Variants in COLEC10 observed in about 807,000 individuals in gnomAD.
COLEC10 encodes collectin-10.
In COLEC10, 22 loss-of-function variants were observed where a neutral mutation model predicts 28.4. That is an observed-to-expected ratio of 0.78 (90% CI 0.55 to 1.11). The LOEUF (loss-of-function observed/expected upper bound fraction) is 1.11, where lower values mean the gene tolerates loss of function less well. Ranked by LOEUF, COLEC10 falls within the 50% of genes least tolerant of loss-of-function variation. The pLI is 0.00. For synonymous variants in COLEC10, 125 were observed against 116.1 expected (o/e 1.08, Z -0.49); for missense variants, 361 against 344.1 (o/e 1.05, Z -0.39).
At chr8:118,961,327 C>G in the COLEC10 span, among the ~76,000 whole-genome samples, 3 of 152,190 alleles carry the variant, frequency 2.0e-5, no homozygotes, top group East Asian at 5.8e-4. Context: ...CTGTTTCATG[C>G]AATTCAAACC....
chr8:119,030,630 G>C (rs1814271433), intron 2 of COLEC10, among the ~76,000 whole-genome samples: 1 of 152,158 alleles, frequency 6.6e-6, no homozygotes, highest in Admixed American at 6.5e-5. Context: ...CTAAGATGGA[G>C]GTCATAACAG....
chr8:118,981,010 T>A, the COLEC10 span, among the ~76,000 whole-genome samples: 1 of 151,506 alleles, frequency 6.6e-6, no homozygotes, highest in Admixed American at 6.6e-5. Context: ...TTTGCAATGT[T>A]TATAGTGGTA....
chr8:119,044,073 T>G (rs1159141124), intron 2 of COLEC10, among the ~76,000 whole-genome samples: 1 of 152,236 alleles, frequency 6.6e-6, no homozygotes, highest in South Asian at 2.1e-4. Context: ...TTGGAAGCAC[T>G]GAAGCTAGAG....
chr8:119,088,558 C>T (rs917514130), intron 1 of COLEC10, among the ~76,000 whole-genome samples: 2 of 152,232 alleles, frequency 1.3e-5, no homozygotes, highest in Non-Finnish European at 2.9e-5. Flanking sequence ...ACTGTCTCAT[C>T]CCAAGAACTT....
At chr8:119,031,610 C>A (rs1814289453) in intron 2 of COLEC10, among the ~76,000 whole-genome samples, 1 of 152,210 alleles carries the variant, frequency 6.6e-6, no homozygotes, top group Non-Finnish European at 1.5e-5. Flanking sequence ...AAGGAACATG[C>A]AGCTGAAAGA....
chr8:118,988,621 A>G, the COLEC10 span, among the ~76,000 whole-genome samples: 15 of 152,158 alleles, frequency 9.9e-5, no homozygotes, highest in African/African-American at 3.6e-4. Context: ...CTAAAAATCC[A>G]AGATCTAATT....
At chr8:119,074,418 C>A (rs769397925) in intron 1 of COLEC10, among the ~76,000 whole-genome samples, 39 of 151,982 alleles carry the variant, frequency 2.6e-4, no homozygotes, top group Admixed American at 8.5e-4. Context: ...CTACTATGCA[C>A]CCACAAAAAT....
intron 3 of COLEC10, among the ~76,000 whole-genome samples, chr8:119,101,911 A>G (rs547841937): frequency 6.6e-6 from 1 of 152,306 alleles, no homozygotes; most frequent in Admixed American, 6.5e-5. Flanking sequence ...CGAGATTCAC[A>G]TAACAATGGT....
At chr8:119,084,382 C>G (rs1290042030) in intron 1 of COLEC10, among the ~76,000 whole-genome samples, 2 of 152,182 alleles carry the variant, frequency 1.3e-5, no homozygotes, top group Admixed American at 1.3e-4. Context: ...CTGTGAATCA[C>G]CAGTGGAAAT....
At chr8:119,058,011 G>A (rs1814792396) in intron 2 of COLEC10, among the ~76,000 whole-genome samples, 1 of 151,696 alleles carries the variant, frequency 6.6e-6, no homozygotes, top group Non-Finnish European at 1.5e-5. Context: ...CTTTTATCTG[G>A]TTGTTTTCTA....
At chr8:119,005,287 A>C (rs1230522571) in intron 1 of COLEC10, among the ~76,000 whole-genome samples, 1 of 152,148 alleles carries the variant, frequency 6.6e-6, no homozygotes, top group African/African-American at 2.4e-5. Flanking sequence ...TGAGAGCAGG[A>C]ATAAACCTCT....
At chr8:119,029,411 A>G (rs1905780) in intron 2 of COLEC10, among the ~76,000 whole-genome samples, 95,337 of 151,918 alleles carry the variant, frequency 0.63, 30,947 homozygotes, top group African/African-American at 0.79. Context: ...GTCTTTCAAG[A>G]CATGGGTATT....
intron 1 of COLEC10, among the ~76,000 whole-genome samples, chr8:119,085,599 C>CTTCTTTTTTTTT (rs1563739053): frequency 1.4e-4 from 9 of 63,556 alleles, no homozygotes; most frequent in East Asian, 5.9e-4. Flanking sequence ...TCTTCTTCTT[C>CTTCTTTTTTTTT]TTTTTTTTTT....
chr8:119,037,485 A>C lies in COLEC10; in HGVS notation n.235+27932A>C, dbSNP rs180741969. ...CAGCACTGATAGTATGACACAAAAC[A>C]TGGGAAATTTCCTTCTGGAGAATGA... On this transcript the variant is annotated intron_variant and non_coding_transcript_variant, in intron 2 of 6. Coordinates refer to the COLEC10 transcript ENST00000521788. Among the ~76,000 whole-genome samples, 12 of 152,260 alleles carry C rather than the reference A, an allele frequency of 7.9e-5. No homozygotes were observed. In the East Asian group the frequency reaches 2.3e-3, roughly 29 times the overall value.
chr8:119,092,347 C>T (rs1815624855), intron 3 of COLEC10, among the ~76,000 whole-genome samples: 1 of 152,128 alleles, frequency 6.6e-6, no homozygotes. Flanking sequence ...GCTGGGATTA[C>T]AGGCATGAGC....
At chr8:119,096,381 C>A (rs80267196) in intron 3 of COLEC10, among the ~76,000 whole-genome samples, 1 of 152,138 alleles carries the variant, frequency 6.6e-6, no homozygotes, top group Non-Finnish European at 1.5e-5. Context: ...CACCTGAGAT[C>A]GGGAATTCGA....
chr8:119,034,562 T>A (rs142446779), intron 2 of COLEC10, among the ~76,000 whole-genome samples: 3 of 152,018 alleles, frequency 2.0e-5, no homozygotes, highest in Non-Finnish European at 4.4e-5. Flanking sequence ...AATACAAAAA[T>A]TAGCCAAGTG....
the COLEC10 span, among the ~76,000 whole-genome samples, chr8:118,975,483 T>C: frequency 6.6e-6 from 1 of 152,032 alleles, no homozygotes; most frequent in Non-Finnish European, 1.5e-5. Flanking sequence ...AGATACTGTA[T>C]ATTTTAATGA....
intron 2 of COLEC10, among the ~76,000 whole-genome samples, chr8:119,014,115 A>G (rs577439228): frequency 6.6e-6 from 1 of 150,830 alleles, no homozygotes; most frequent in Admixed American, 6.6e-5. Context: ...TCAATTAAGA[A>G]TAAGAAAAAT....
Sources: gnomAD v4.1 joint callset for allele counts (sites outside exome capture counted in the v4.1 genomes callset) on GRCh38, gnomAD v4.1.1 for gene constraint, MANE v1.5 for transcripts, NCBI Gene and HGNC (gene_info 2026-07-23, HGNC 2026-07-21) for gene names.